Variants in C8orf34 observed in about 807,000 individuals in gnomAD.
The protein encoded by C8orf34 is uncharacterized protein C8orf34.
A neutral mutation model predicts 68.3 loss-of-function variants in C8orf34; 65 were observed. The observed-to-expected ratio is 0.95, with a 90% CI of 0.78 to 1.17. The LOEUF (loss-of-function observed/expected upper bound fraction) is 1.17. Ranked by LOEUF, C8orf34 falls within the 50% of genes most tolerant of loss-of-function variation. The probability of loss-of-function intolerance (pLI) is 0.00; values close to 1 mark genes in which losing one functional copy is unlikely to be tolerated. For synonymous variants in C8orf34, 244 were observed against 241.2 expected, an observed-to-expected ratio of 1.01 and a Z score of -0.11; for missense variants, 664 against 655.4, an observed-to-expected ratio of 1.01 and a Z score of -0.14.
At position 68,746,612 on chromosome 8, in the gene C8orf34, G is replaced by A. The variant is rs1181805356; in HGVS notation, c.1404+25175G>A. ...CAGAGAATACTACAAACACCTCTAC[G>A]CAAATAAACTAGAAAATCTAGAAGA... On this transcript the variant is annotated intron_variant, in intron 10 of 13. Coordinates refer to ENST00000518698, the MANE Select transcript of C8orf34 (RefSeq NM_052958.4). Among the ~76,000 whole-genome samples, 25 of 145,976 alleles carry A rather than the reference G, an allele frequency of 1.7e-4. No individual in the cohort carries two copies. In the East Asian group the frequency reaches 3.2e-3, roughly 19 times the overall value.
intron 10 of C8orf34, among the ~76,000 whole-genome samples, chr8:68,736,123 C>A (rs757245245): frequency 6.6e-6 from 1 of 152,100 alleles, no homozygotes; most frequent in Non-Finnish European, 1.5e-5. Flanking sequence ...CAAGTTAAAG[C>A]ATAACATCCT....
chr8:68,479,429 GA>G (rs1812764690), intron 4 of C8orf34, among the ~76,000 whole-genome samples: 2 of 150,960 alleles, frequency 1.3e-5, no homozygotes, highest in Non-Finnish European at 3.0e-5. Flanking sequence ...GAGAGAGAGA[GA>G]GAGAGAAAGC....
At chr8:68,539,906 T>C (rs931566408) in intron 7 of C8orf34, among the ~76,000 whole-genome samples, 1 of 150,560 alleles carries the variant, frequency 6.6e-6, no homozygotes, top group Non-Finnish European at 1.5e-5. Flanking sequence ...AACGGAAGAG[T>C]GGGCACAAAA....
intron 1 of C8orf34, among the ~76,000 whole-genome samples, chr8:68,349,296 G>A (rs1433997343): frequency 6.6e-6 from 1 of 151,968 alleles, no homozygotes; most frequent in Non-Finnish European, 1.5e-5. Flanking sequence ...TGCATATGTT[G>A]AACCAGCTTT....
intron 12 of C8orf34, among the ~76,000 whole-genome samples, chr8:68,808,044 A>G (rs1563681058): frequency 6.6e-6 from 1 of 151,934 alleles, no homozygotes; most frequent in Admixed American, 6.6e-5. Context: ...GCCTCTCAGG[A>G]GTCTCTCTGG....
At chr8:68,483,616 C>T (rs549583464) in intron 4 of C8orf34, among the ~76,000 whole-genome samples, 2 of 152,338 alleles carry the variant, frequency 1.3e-5, no homozygotes, top group South Asian at 4.1e-4. Flanking sequence ...ATCTTAGAGG[C>T]ATTCCCAGAA....
intron 7 of C8orf34, among the ~76,000 whole-genome samples, chr8:68,592,984 A>G (rs1817442872): frequency 6.6e-6 from 1 of 152,020 alleles, no homozygotes; most frequent in South Asian, 2.1e-4. Flanking sequence ...TCCTAGTCAC[A>G]AAGGGAATGC....
At chr8:68,358,822 C>T (rs1313423350) in intron 1 of C8orf34, among the ~76,000 whole-genome samples, 2 of 151,860 alleles carry the variant, frequency 1.3e-5, no homozygotes, top group Admixed American at 6.6e-5. Flanking sequence ...TCTTGTGCCT[C>T]AGCCTCCTGA....
At chr8:68,542,450 C>G (rs6472405) in intron 7 of C8orf34, among the ~76,000 whole-genome samples, 87,157 of 151,788 alleles carry the variant, frequency 0.57, 25,715 homozygotes, top group African/African-American at 0.72. Flanking sequence ...CGGACTTTTT[C>G]GCATTTATGA....
chr8:68,530,868 A>G (rs1370145165), intron 6 of C8orf34, among the ~76,000 whole-genome samples: 1 of 152,126 alleles, frequency 6.6e-6, no homozygotes, highest in African/African-American at 2.4e-5. Flanking sequence ...TAAAATAAAT[A>G]TTGCCAACAT....
chr8:68,816,213 G>A (rs986789371), intron 13 of C8orf34, among the ~76,000 whole-genome samples: 1 of 151,106 alleles, frequency 6.6e-6, no homozygotes, highest in Non-Finnish European at 1.5e-5. Context: ...CCCTTGCTAA[G>A]GTGGGAGGAT....
intron 7 of C8orf34, among the ~76,000 whole-genome samples, chr8:68,599,950 T>C (rs980315147): frequency 2.6e-5 from 4 of 151,592 alleles, no homozygotes; most frequent in African/African-American, 9.7e-5. Flanking sequence ...ATTGAAACAA[T>C]CCACAAAAGT....
intron 4 of C8orf34, among the ~76,000 whole-genome samples, chr8:68,473,991 TCAG>T (rs1357558687): frequency 1.3e-5 from 2 of 152,166 alleles, no homozygotes; most frequent in Non-Finnish European, 2.9e-5. Context: ...TAGGCCTCAT[TCAG>T]GAGTTTATCT....
chr8:68,789,543 A>T (rs1473669595), intron 12 of C8orf34, among the ~76,000 whole-genome samples: 2 of 152,066 alleles, frequency 1.3e-5, no homozygotes, highest in East Asian at 1.9e-4. Context: ...CCTAATACGC[A>T]TTGCCTTTCT....
At chr8:68,497,055 G>C (rs910283196) in intron 5 of C8orf34, among the ~76,000 whole-genome samples, 2 of 152,152 alleles carry the variant, frequency 1.3e-5, no homozygotes, top group African/African-American at 4.8e-5. Flanking sequence ...TCTTAAAAAT[G>C]TGGCCCATGT....
chr8:68,590,808 T>C (rs1194105225), intron 7 of C8orf34, among the ~76,000 whole-genome samples: 3 of 152,154 alleles, frequency 2.0e-5, no homozygotes, highest in African/African-American at 4.8e-5. Context: ...TACTGAGAAC[T>C]GAGACAGCTC....
chr8:68,439,722 T>C, intron 2 of C8orf34, 76 bp downstream of exon 2: 1 of 1,405,084 alleles, frequency 7.1e-7, no homozygotes, highest in Non-Finnish European at 9.7e-7. Flanking sequence ...TTGATACTAA[T>C]AAGATAAATC....
chr8:68,722,844 G>C (rs987778621), intron 10 of C8orf34, among the ~76,000 whole-genome samples: 40 of 151,948 alleles, frequency 2.6e-4, no homozygotes, highest in African/African-American at 9.4e-4. Context: ...CTCACCATGA[G>C]ATGAAAACTA....
intron 3 of C8orf34, chr8:68,448,052 C>T (rs1220882415): frequency 6.6e-6 from 1 of 152,166 alleles, no homozygotes; most frequent in Non-Finnish European, 1.5e-5. Flanking sequence ...ATCCCTACCT[C>T]TCTCTCTTTT....
Sources: gnomAD v4.1 joint callset for allele counts (sites outside exome capture counted in the v4.1 genomes callset) on GRCh38, gnomAD v4.1.1 for gene constraint, MANE v1.5 for transcripts, NCBI Gene and HGNC (gene_info 2026-07-23, HGNC 2026-07-21) for gene names.